FHIT: variants seen among roughly 807,000 people sequenced by gnomAD.
FHIT encodes the protein fragile histidine triad diadenosine triphosphatase, also known as bis(5'-adenosyl)-triphosphatase.
Under a neutral mutation model 17.9 loss-of-function variants are expected in FHIT, and 19 were observed. That is an observed-to-expected ratio of 1.06 (90% CI 0.74 to 1.56). The LOEUF (loss-of-function observed/expected upper bound fraction) is 1.56, where lower values mean the gene tolerates loss of function less well. Ranked by LOEUF, FHIT falls within the 40% of genes most tolerant of loss-of-function variation. FHIT has a pLI of 0.00. For synonymous variants in FHIT, 81 were observed against 69.7 expected (o/e 1.16, Z -0.81); for missense variants, 248 against 189.2 (o/e 1.31, Z -1.82).
chr3:59,779,098 C>A (rs1405273784), intron 8 of FHIT, among the ~76,000 whole-genome samples: 1 of 152,148 alleles, frequency 6.6e-6, no homozygotes, highest in Non-Finnish European at 1.5e-5. Flanking sequence ...TTGGCATTAC[C>A]CTGACTTCAG....
intron 4 of FHIT, among the ~76,000 whole-genome samples, chr3:60,661,007 T>C (rs2040234876): frequency 6.6e-6 from 1 of 152,084 alleles, no homozygotes; most frequent in Admixed American, 6.6e-5. Context: ...CTTTTGTGGA[T>C]TATGCCTTTG....
chr3:61,233,355 A>G (rs2040152332), intron 1 of FHIT, among the ~76,000 whole-genome samples: 1 of 152,252 alleles, frequency 6.6e-6, no homozygotes, highest in African/African-American at 2.4e-5. Context: ...TGGGCCATCT[A>G]AACAATCCAG....
At chr3:59,929,814 A>T (rs1230088748) in intron 7 of FHIT, among the ~76,000 whole-genome samples, 1 of 152,146 alleles carries the variant, frequency 6.6e-6, no homozygotes, top group Non-Finnish European at 1.5e-5. Flanking sequence ...CTACCAAGCA[A>T]TAACAATCCT....
intron 5 of FHIT, among the ~76,000 whole-genome samples, chr3:60,216,076 A>G (rs1210145137): frequency 2.0e-5 from 3 of 152,212 alleles, no homozygotes; most frequent in African/African-American, 7.2e-5. Context: ...ACTCTGGTCC[A>G]CAGTGATCAA....
intron 5 of FHIT, among the ~76,000 whole-genome samples, chr3:60,303,586 G>C (rs989277225): frequency 6.6e-6 from 1 of 152,148 alleles, no homozygotes. Flanking sequence ...CACAGGCTGT[G>C]ATCAGTGTTG....
intron 5 of FHIT, among the ~76,000 whole-genome samples, chr3:60,379,117 C>T (rs574494520): frequency 2.6e-5 from 4 of 152,246 alleles, no homozygotes; most frequent in South Asian, 4.2e-4. Flanking sequence ...TGAGGAGAAC[C>T]GCTAAAGGTT....
intron 5 of FHIT, among the ~76,000 whole-genome samples, chr3:60,034,529 A>T (rs1181404789): frequency 6.6e-6 from 1 of 152,242 alleles, no homozygotes; most frequent in African/African-American, 2.4e-5. Context: ...CCATTTGACC[A>T]AGAAATGTCC....
chr3:60,526,689 A>T (rs2035588352), intron 5 of FHIT, among the ~76,000 whole-genome samples: 2 of 152,238 alleles, frequency 1.3e-5, no homozygotes, highest in South Asian at 4.2e-4. Flanking sequence ...TTGTGTGCTC[A>T]TGTACAATTC....
At chr3:60,414,453 T>A (rs1259056111) in intron 5 of FHIT, among the ~76,000 whole-genome samples, 2 of 152,168 alleles carry the variant, frequency 1.3e-5, no homozygotes, top group Admixed American at 1.3e-4. Flanking sequence ...TCAGAACCTG[T>A]CTAGGACTTG....
Position 61,054,361 on chromosome 3 carries a change from C to CTT in FHIT, c.-163-12264_-163-12263dup, listed in dbSNP as rs35308129. Among the ~76,000 whole-genome samples the CTT allele has an allele frequency of 8.2e-3, 1,245 of 151,020 alleles. 8 individuals carry two copies. Among genetic ancestry groups the CTT allele is most frequent in the Non-Finnish European group, 0.014 (963 of 67,720 alleles). On this transcript the variant is annotated intron_variant, in intron 2 of 9. Transcript: ENST00000492590. ...GTAATGTTTTTGTAACAAATTATCT[C>CTT]TTTTTTTTTCCAGAAAAAAAGGCAT...
intron 4 of FHIT, among the ~76,000 whole-genome samples, chr3:60,776,913 G>A (rs1460332849): frequency 6.6e-6 from 1 of 152,200 alleles, no homozygotes; most frequent in South Asian, 2.1e-4. Context: ...TAATCTTGCA[G>A]AAGAGGTTCT....
chr3:60,642,525 C>G (rs534193446), intron 4 of FHIT, among the ~76,000 whole-genome samples: 1 of 152,310 alleles, frequency 6.6e-6, no homozygotes, highest in Non-Finnish European at 1.5e-5. Flanking sequence ...GCTACTCATG[C>G]TCATTCTCAA....
At chr3:60,806,361 TAGG>T (rs1553734191) in intron 4 of FHIT, among the ~76,000 whole-genome samples, 1 of 152,174 alleles carries the variant, frequency 6.6e-6, no homozygotes, top group Non-Finnish European at 1.5e-5. Flanking sequence ...TTGGTCCTTC[TAGG>T]ATCAATTTAT....
chr3:60,997,589 T>C (rs2030765397), intron 3 of FHIT, among the ~76,000 whole-genome samples: 1 of 152,172 alleles, frequency 6.6e-6, no homozygotes, highest in South Asian at 2.1e-4. Flanking sequence ...CCACTCCCTA[T>C]AGTTTTATAC....
At chr3:60,459,887 G>A (rs2032348727) in intron 5 of FHIT, among the ~76,000 whole-genome samples, 1 of 152,128 alleles carries the variant, frequency 6.6e-6, no homozygotes, top group African/African-American at 2.4e-5. Flanking sequence ...TTGGGGAGGT[G>A]AGCAGGGCAA....
intron 5 of FHIT, among the ~76,000 whole-genome samples, chr3:60,245,083 C>T (rs141710091): frequency 3.5e-4 from 53 of 152,042 alleles, no homozygotes; most frequent in African/African-American, 1.2e-3. Context: ...GACAGAAATA[C>T]AGCCTATATC....
At chr3:60,556,118 A>G (rs1394785095) in intron 4 of FHIT, among the ~76,000 whole-genome samples, 1 of 152,070 alleles carries the variant, frequency 6.6e-6, no homozygotes, top group Non-Finnish European at 1.5e-5. Flanking sequence ...GCTACTTTTG[A>G]TCTCCTCCTG....
At chr3:60,073,468 A>G (rs1158999130) in intron 5 of FHIT, among the ~76,000 whole-genome samples, 1 of 152,120 alleles carries the variant, frequency 6.6e-6, no homozygotes, top group East Asian at 1.9e-4. Context: ...TAATGAATAT[A>G]GGCTCTCATA....
At chr3:59,886,008 C>G (rs936284162) in intron 8 of FHIT, among the ~76,000 whole-genome samples, 2 of 152,190 alleles carry the variant, frequency 1.3e-5, no homozygotes, top group African/African-American at 4.8e-5. Flanking sequence ...AGGCAAAAGA[C>G]ACATTTGGGG....
Sources: allele counts gnomAD v4.1 joint callset (sites outside exome capture counted in the v4.1 genomes callset), GRCh38; gene constraint gnomAD v4.1.1; transcripts MANE v1.5; gene names NCBI Gene and HGNC (gene_info 2026-07-23, HGNC 2026-07-21).